Variants in CCDC141 observed in about 807,000 individuals in gnomAD.
CCDC141 encodes coiled-coil domain-containing protein 141.
A neutral mutation model predicts 181.0 loss-of-function variants in CCDC141; 168 were observed. The observed-to-expected ratio is 0.93, with a 90% CI of 0.82 to 1.05. The LOEUF is 1.05. Ranked by LOEUF, CCDC141 falls within the 50% of genes least tolerant of loss-of-function variation. The probability of loss-of-function intolerance (pLI) is 0.00; values close to 1 mark genes in which losing one functional copy is unlikely to be tolerated. For missense variants in CCDC141, 1,902 were observed against 1,788.5 expected (o/e 1.06, Z -1.14); for synonymous variants, 666 against 642.3 (o/e 1.04, Z -0.56).
chr2:178,820,717 T>C, the CCDC141 span, among the ~76,000 whole-genome samples: 1 of 152,168 alleles, frequency 6.6e-6, no homozygotes, highest in Non-Finnish European at 1.5e-5. Context: ...ATTAGAAATG[T>C]GTTAAAGCTT....
At chr2:179,028,127 G>A (rs950829223) in intron 2 of CCDC141, among the ~76,000 whole-genome samples, 2 of 152,114 alleles carry the variant, frequency 1.3e-5, no homozygotes, top group African/African-American at 2.4e-5. Flanking sequence ...TATGAGCACT[G>A]GGCATTACAA....
intron 2 of CCDC141, among the ~76,000 whole-genome samples, chr2:179,015,093 TATATATATATAATATATATATAATC>T (rs1362945155): frequency 0.092 from 3,843 of 41,904 alleles, 447 homozygotes; most frequent in Non-Finnish European, 0.16. Flanking sequence ...TATATATATA[TATATATATATAATATATATATAATC>T]ATATATATAT....
chr2:178,924,113 A>T (rs2154375240), intron 6 of CCDC141, among the ~76,000 whole-genome samples: 1 of 152,362 alleles, frequency 6.6e-6, no homozygotes, highest in Non-Finnish European at 1.5e-5. Flanking sequence ...ACCATTCAAC[A>T]TCAGGTGGTA....
chr2:179,019,703 G>C (rs1280210823), intron 2 of CCDC141, among the ~76,000 whole-genome samples: 1 of 151,832 alleles, frequency 6.6e-6, no homozygotes, highest in Admixed American at 6.6e-5. Context: ...CAATACATTG[G>C]TATAGCTCTT....
downstream of CCDC141, among the ~76,000 whole-genome samples, chr2:178,826,595 A>T (rs76128214): frequency 0.019 from 2,846 of 152,182 alleles, 42 homozygotes; most frequent in Middle Eastern, 0.048. Flanking sequence ...TATTGGTTCA[A>T]TATCTCTAAC....
At chr2:178,904,336 A>G (rs1324673376) in intron 8 of CCDC141, among the ~76,000 whole-genome samples, 1 of 152,200 alleles carries the variant, frequency 6.6e-6, no homozygotes, top group Non-Finnish European at 1.5e-5. Flanking sequence ...AGCAAACATC[A>G]CAAACCCTGG....
intron 8 of CCDC141, among the ~76,000 whole-genome samples, chr2:178,900,094 T>C (rs557821791): frequency 1.5e-4 from 23 of 152,332 alleles, no homozygotes; most frequent in Non-Finnish European, 3.4e-4. Context: ...GAAAATAGTA[T>C]TGATTTATAA....
intron 6 of CCDC141, among the ~76,000 whole-genome samples, chr2:178,921,777 G>A (rs1024282267): frequency 8.5e-5 from 13 of 152,186 alleles, no homozygotes. Flanking sequence ...GGGTTCACCA[G>A]CTCCCACAAG....
At chr2:178,840,959 C>T (rs1575117414) in intron 22 of CCDC141, among the ~76,000 whole-genome samples, 1 of 152,286 alleles carries the variant, frequency 6.6e-6, no homozygotes, top group East Asian at 1.9e-4. Flanking sequence ...ATGTTTGTTT[C>T]TAGAGTTGTT....
chr2:178,945,272 G>A (rs186539577), intron 5 of CCDC141, among the ~76,000 whole-genome samples: 121 of 152,238 alleles, frequency 7.9e-4, no homozygotes, highest in African/African-American at 2.8e-3. Context: ...GGGGGCCCTG[G>A]ATGCAGATTC....
chr2:178,848,103 G>A (rs1396200146), intron 21 of CCDC141, among the ~76,000 whole-genome samples: 1 of 152,216 alleles, frequency 6.6e-6, no homozygotes, highest in Non-Finnish European at 1.5e-5. Flanking sequence ...ATCAGGGAGG[G>A]AGTGATATAG....
chr2:179,043,637 A>G (rs1559068186), intron 2 of CCDC141, among the ~76,000 whole-genome samples: 1 of 152,274 alleles, frequency 6.6e-6, no homozygotes, highest in East Asian at 1.9e-4. Context: ...CCTTCATGTT[A>G]AAAACTCGGA....
intron 2 of CCDC141, among the ~76,000 whole-genome samples, chr2:179,015,027 C>T (rs1473462323): frequency 7.8e-6 from 1 of 128,318 alleles, no homozygotes; most frequent in Non-Finnish European, 1.6e-5. Context: ...AACCCAAATG[C>T]CCATCAATCA....
At chr2:179,031,906 T>G (rs548425560) in intron 2 of CCDC141, among the ~76,000 whole-genome samples, 35 of 152,262 alleles carry the variant, frequency 2.3e-4, no homozygotes, top group Admixed American at 9.8e-4. Flanking sequence ...GCTGTTAAAG[T>G]GCAAAACATG....
chr2:179,029,749 G>A (rs894473148), intron 2 of CCDC141, among the ~76,000 whole-genome samples: 2 of 152,066 alleles, frequency 1.3e-5, no homozygotes, highest in African/African-American at 4.8e-5. Context: ...ACTAATAAAT[G>A]GGTTATGATG....
At chr2:179,000,664 A>G (rs539593188) in intron 2 of CCDC141, among the ~76,000 whole-genome samples, 76 of 152,288 alleles carry the variant, frequency 5.0e-4, no homozygotes, top group Middle Eastern at 6.8e-3. Flanking sequence ...TGCATTTATA[A>G]CTATTGTAAG....
chr2:178,901,514 A>T (rs938456198), intron 8 of CCDC141, among the ~76,000 whole-genome samples: 13 of 152,142 alleles, frequency 8.5e-5, no homozygotes, highest in African/African-American at 1.4e-4. Context: ...AGCACATGAT[A>T]ATCTCAATAG....
At chr2:178,910,424 A>C (rs934656986) in intron 7 of CCDC141, among the ~76,000 whole-genome samples, 1 of 152,138 alleles carries the variant, frequency 6.6e-6, no homozygotes, top group Non-Finnish European at 1.5e-5. Flanking sequence ...GCTTATAACT[A>C]TCAAAAACAC....
chr2:179,006,315 T>C (rs2042122171), intron 2 of CCDC141, among the ~76,000 whole-genome samples: 1 of 152,224 alleles, frequency 6.6e-6, no homozygotes, highest in Non-Finnish European at 1.5e-5. Context: ...AATGTCCCTT[T>C]GTTCAGTGTT....
Sources: gnomAD v4.1 joint callset for allele counts (sites outside exome capture counted in the v4.1 genomes callset) on GRCh38, gnomAD v4.1.1 for gene constraint, MANE v1.5 for transcripts, NCBI Gene and HGNC (gene_info 2026-07-23, HGNC 2026-07-21) for gene names.